The following GPC6 variants were observed in gnomAD, a reference collection of about 807,000 sequenced individuals.
The protein encoded by GPC6 is glypican-6.
Under a neutral mutation model 55.2 loss-of-function variants are expected in GPC6, and 14 were observed. The ratio of observed to expected loss-of-function variants is 0.25; its 90% CI spans 0.17 to 0.40. The LOEUF (loss-of-function observed/expected upper bound fraction) is 0.40. GPC6 is among the 10% of genes least tolerant of loss of function. The pLI is 1.00. For synonymous variants in GPC6, 278 were observed against 259.6 expected, an observed-to-expected ratio of 1.07 and a Z score of -0.68; for missense variants, 641 against 708.5, an observed-to-expected ratio of 0.90 and a Z score of 1.08.
intron 3 of GPC6, among the ~76,000 whole-genome samples, chr13:93,833,645 CTAAT>C (rs1887617670): frequency 6.6e-6 from 1 of 151,886 alleles, no homozygotes; most frequent in South Asian, 2.1e-4. Context: ...TGAATATCTT[CTAAT>C]TAATTGCTTT....
chr13:93,956,819 C>T (rs1429480936), intron 3 of GPC6, among the ~76,000 whole-genome samples: 1 of 152,166 alleles, frequency 6.6e-6, no homozygotes, highest in Non-Finnish European at 1.5e-5. Flanking sequence ...TACTCTGCAG[C>T]CACAGCCTCC....
At chr13:93,439,799 A>G (rs1460202725) in intron 1 of GPC6, among the ~76,000 whole-genome samples, 1 of 152,176 alleles carries the variant, frequency 6.6e-6, no homozygotes, top group Non-Finnish European at 1.5e-5. Context: ...TTTTCTACAG[A>G]CTTCAGATAT....
chr13:93,638,398 G>A (rs1057193004), intron 2 of GPC6, among the ~76,000 whole-genome samples: 1 of 152,212 alleles, frequency 6.6e-6, no homozygotes, highest in East Asian at 1.9e-4. Flanking sequence ...AATCCTAAAT[G>A]TTGACCAAAG....
At chr13:93,491,817 G>C (rs1293360230) in intron 1 of GPC6, among the ~76,000 whole-genome samples, 1 of 126,658 alleles carries the variant, frequency 7.9e-6, no homozygotes, top group Non-Finnish European at 1.7e-5. Flanking sequence ...GTTTGTCAAA[G>C]ATCAGATAGT....
intron 1 of GPC6, among the ~76,000 whole-genome samples, chr13:93,479,197 G>A (rs1014006117): frequency 6.6e-6 from 1 of 152,140 alleles, no homozygotes; most frequent in African/African-American, 2.4e-5. Context: ...TGTGAATTTA[G>A]CATTTATCTC....
intron 2 of GPC6, among the ~76,000 whole-genome samples, chr13:93,615,339 A>G (rs1421785220): frequency 6.6e-6 from 1 of 152,170 alleles, no homozygotes; most frequent in Non-Finnish European, 1.5e-5. Context: ...ACTTGATCCT[A>G]TTAAGAAATT....
At chr13:93,237,412 C>A (rs11839597) in intron 1 of GPC6, among the ~76,000 whole-genome samples, 1 of 151,704 alleles carries the variant, frequency 6.6e-6, no homozygotes, top group Non-Finnish European at 1.5e-5. Context: ...CTTTTTAATG[C>A]GATTATTCAT....
At chr13:94,152,129 G>T (rs1384292153) in intron 4 of GPC6, among the ~76,000 whole-genome samples, 1 of 152,174 alleles carries the variant, frequency 6.6e-6, no homozygotes, top group African/African-American at 2.4e-5. Flanking sequence ...CTCTATGGCA[G>T]CCACAAATGT....
intron 4 of GPC6, among the ~76,000 whole-genome samples, chr13:94,136,572 T>C (rs965657641): frequency 6.6e-6 from 1 of 152,088 alleles, no homozygotes; most frequent in African/African-American, 2.4e-5. Flanking sequence ...TAGTTGGGTA[T>C]GGTGGTGGGT....
chr13:94,400,509 G>A (rs893135782), intron 8 of GPC6, among the ~76,000 whole-genome samples: 1 of 152,074 alleles, frequency 6.6e-6, no homozygotes, highest in African/African-American at 2.4e-5. Context: ...CCCTTGTAAA[G>A]GCCACTAAAG....
At chr13:93,445,401 G>A (rs1389817817) in intron 1 of GPC6, among the ~76,000 whole-genome samples, 1 of 152,106 alleles carries the variant, frequency 6.6e-6, no homozygotes, top group African/African-American at 2.4e-5. Flanking sequence ...TGTGATGTCT[G>A]TATTAAACTA....
chr13:94,277,840 A>G (rs769234100), intron 4 of GPC6, among the ~76,000 whole-genome samples: 8 of 152,136 alleles, frequency 5.3e-5, no homozygotes, highest in Non-Finnish European at 1.0e-4. Context: ...GTCACCTTGT[A>G]GTATAGTTTG....
intron 5 of GPC6, among the ~76,000 whole-genome samples, chr13:94,293,093 C>T (rs1594139228): frequency 6.6e-6 from 1 of 151,886 alleles, no homozygotes; most frequent in South Asian, 2.1e-4. Flanking sequence ...TTCCCAATTT[C>T]CTTTTGAGGA....
chr13:93,975,489 G>A (rs1423189167), intron 3 of GPC6, among the ~76,000 whole-genome samples: 2 of 152,144 alleles, frequency 1.3e-5, no homozygotes, highest in Non-Finnish European at 2.9e-5. Context: ...CTACAAAACA[G>A]ATGCTGTTAT....
intron 4 of GPC6, among the ~76,000 whole-genome samples, chr13:94,231,227 G>A (rs1301216360): frequency 1.3e-5 from 2 of 152,140 alleles, no homozygotes; most frequent in East Asian, 3.9e-4. Flanking sequence ...GACAATCTCA[G>A]GGACCCTTGG....
chr13:93,954,662 T>A (rs1392857362), intron 3 of GPC6, among the ~76,000 whole-genome samples: 8 of 152,184 alleles, frequency 5.3e-5, no homozygotes, highest in African/African-American at 1.9e-4. Context: ...GTCCCAGTTG[T>A]CCTGTGGAAC....
rs60855226 is a variant in GPC6, at chr13:93,783,576, G to GTCTATCTATCTATCTA, written c.320-46565_320-46550dup. On this transcript the variant is annotated intron_variant, in intron 2 of 8. Coordinates refer to ENST00000377047, the MANE Select transcript of GPC6 (RefSeq NM_005708.5). ...CTGTGGTTTTGAGATCTATCTATCT[G>GTCTATCTATCTATCTA]TCTATCTATCTATCTATCTATCTAT... Among the ~76,000 whole-genome samples the GTCTATCTATCTATCTA allele has an allele frequency of 9.4e-3, 1,417 of 151,116 alleles. 24 individuals are homozygous for GTCTATCTATCTATCTA. Among genetic ancestry groups the GTCTATCTATCTATCTA allele is most frequent in the East Asian group, 0.056 (287 of 5,098 alleles).
At chr13:94,167,728 C>T (rs1444968445) in intron 4 of GPC6, among the ~76,000 whole-genome samples, 1 of 152,050 alleles carries the variant, frequency 6.6e-6, no homozygotes, top group East Asian at 1.9e-4. Flanking sequence ...AGCTGCAAGT[C>T]TTGCTAGAGC....
chr13:93,466,034 T>G (rs1312732092), intron 1 of GPC6, among the ~76,000 whole-genome samples: 1 of 152,086 alleles, frequency 6.6e-6, no homozygotes, highest in African/African-American at 2.4e-5. Flanking sequence ...ATAATTACAA[T>G]AATAACATCA....
Sources: allele counts gnomAD v4.1 joint callset (sites outside exome capture counted in the v4.1 genomes callset), GRCh38; gene constraint gnomAD v4.1.1; transcripts MANE v1.5; gene names NCBI Gene and HGNC (gene_info 2026-07-23, HGNC 2026-07-21).